The following GLIS1 variants were observed in gnomAD, a reference collection of about 807,000 sequenced individuals.
The protein encoded by GLIS1 is zinc finger protein GLIS1.
GLIS1 carries 24 observed loss-of-function variants against 63.8 expected under a neutral mutation model. The observed-to-expected ratio is 0.38, with a 90% CI of 0.27 to 0.53. The LOEUF (loss-of-function observed/expected upper bound fraction) is 0.53, where lower values mean the gene tolerates loss of function less well. Ranked by LOEUF, GLIS1 falls within the 20% of genes least tolerant of loss-of-function variation. The pLI is 0.85. For synonymous variants in GLIS1, 450 were observed against 482.5 expected (o/e 0.93, Z 0.88); for missense variants, 1,036 against 1,074.1 (o/e 0.96, Z 0.50).
At chr1:53,728,056 C>T (rs1646822698) in intron 2 of GLIS1, among the ~76,000 whole-genome samples, 1 of 152,212 alleles carries the variant, frequency 6.6e-6, no homozygotes. Flanking sequence ...CCTGGACACT[C>T]ACTTGGAGCC....
intron 2 of GLIS1, among the ~76,000 whole-genome samples, chr1:53,684,859 G>A (rs114403486): frequency 0.011 from 1,706 of 152,278 alleles, 24 homozygotes; most frequent in African/African-American, 0.039. Flanking sequence ...TTGCTGTGTG[G>A]CTTCAGGGAA....
chr1:53,695,111 G>A lies in GLIS1; in HGVS notation c.259+42695C>T, dbSNP rs1490680370. ...TAAAAAGCCCTGTGTGTGTAACGAA[G>A]CCCTGCAGGCCGACTGTCAGCTGGG... On this transcript the variant is annotated intron_variant, in intron 2 of 10. Transcript: ENST00000628545. 2.6e-5 allele frequency among the ~76,000 whole-genome samples: 4 copies of A among 151,516 alleles called. No homozygotes were observed. In the Admixed American group the frequency reaches 2.6e-4, roughly 10 times the overall value.
At chr1:53,571,427 A>C (rs1237656754) in intron 4 of GLIS1, among the ~76,000 whole-genome samples, 1 of 152,250 alleles carries the variant, frequency 6.6e-6, no homozygotes, top group Middle Eastern at 3.2e-3. Flanking sequence ...GAACAAGAAT[A>C]TTCACAGCAG....
intron 4 of GLIS1, among the ~76,000 whole-genome samples, chr1:53,567,118 T>G (rs1028550661): frequency 6.6e-6 from 1 of 152,198 alleles, no homozygotes; most frequent in Non-Finnish European, 1.5e-5. Context: ...AAAATGCTGA[T>G]AGTGATATGG....
chr1:53,602,113 G>A (rs1335989764), intron 2 of GLIS1, among the ~76,000 whole-genome samples: 5 of 152,304 alleles, frequency 3.3e-5, no homozygotes, highest in South Asian at 2.1e-4. Context: ...GTCCTGCTGC[G>A]AGCAACGCTT....
chr1:53,718,048 A>C (rs1480616749), intron 2 of GLIS1, among the ~76,000 whole-genome samples: 1 of 152,228 alleles, frequency 6.6e-6, no homozygotes, highest in Admixed American at 6.5e-5. Context: ...GCAGCAATGC[A>C]AGCTGTGCAC....
intron 2 of GLIS1, among the ~76,000 whole-genome samples, chr1:53,647,497 G>A (rs1227214743): frequency 6.6e-6 from 1 of 152,124 alleles, no homozygotes; most frequent in Non-Finnish European, 1.5e-5. Flanking sequence ...TCTATACAAT[G>A]TCGGAAAAAA....
intron 2 of GLIS1, among the ~76,000 whole-genome samples, chr1:53,699,897 G>A (rs1435766985): frequency 6.6e-6 from 1 of 152,104 alleles, no homozygotes; most frequent in African/African-American, 2.4e-5. Context: ...CTTCCCAAAG[G>A]CCCCATCTCC....
At position 53,541,422 on chromosome 1, in the gene GLIS1, C is replaced by T. The variant is rs116280107; in HGVS notation, c.1321-11470G>A. ...CACCCACATGATTGACCAAGAGGCC[C>T]CAAGGTGGGCTGGCCCTGTGCTGGC... is the stretch of plus-strand genomic sequence containing the variant. On this transcript the variant is annotated intron_variant, in intron 4 of 10. Transcript: ENST00000628545. Among the ~76,000 whole-genome samples the T allele has an allele frequency of 8.2e-3, 1,246 of 152,364 alleles. 22 individuals are homozygous for T. Among genetic ancestry groups the T allele is most frequent in the African/African-American group, 0.029 (1,208 of 41,584 alleles).
At chr1:53,737,556 C>A (rs939558169) in intron 2 of GLIS1, among the ~76,000 whole-genome samples, 1 of 152,246 alleles carries the variant, frequency 6.6e-6, no homozygotes, top group Non-Finnish European at 1.5e-5. Context: ...CAGAAACACA[C>A]AGAAGCAAAA....
chr1:53,622,382 C>A (rs1007655417), intron 2 of GLIS1, among the ~76,000 whole-genome samples: 1 of 145,810 alleles, frequency 6.9e-6, no homozygotes, highest in Non-Finnish European at 1.5e-5. Context: ...GAGCCGAGAT[C>A]GCACCACTGC....
At position 53,594,395 on chromosome 1, in the gene GLIS1, G is replaced by C; in HGVS notation, c.1033C>G (p.Leu345Val). 1.2e-6 allele frequency: 2 copies of C among 1,611,754 alleles called. No homozygotes were observed. The highest frequency in any genetic ancestry group is 1.7e-6 in the Non-Finnish European group (2 of 1,179,186). The stretch of plus-strand genomic sequence containing the variant: ...CTTGGGCCAGGCGGCAACTGAGACA[G>C]GGGATAGGGGGGCGGCAGGCCCTGC... Reference protein sequence around the residue: ...HQQGLPPPYPLSQLPPGPSLG... With the variant: ...HQQGLPPPYPVSQLPPGPSLG... The change falls in exon 4 of 11, where the codon CTG becomes GTG. Residue 345 changes from leucine (L) to valine (V), a missense_variant. This residue lies in a region of GLIS1 where 592 missense variants were observed against 593.9 expected (regional missense o/e 1.00). Transcript: ENST00000628545.
intron 4 of GLIS1, among the ~76,000 whole-genome samples, chr1:53,551,436 G>C (rs1644758560): frequency 6.6e-6 from 1 of 152,148 alleles, no homozygotes; most frequent in African/African-American, 2.4e-5. Context: ...TGCAGGGCAA[G>C]GGGGGTCCCT....
chr1:53,590,602 T>G (rs764425307), intron 4 of GLIS1, among the ~76,000 whole-genome samples: 1 of 152,190 alleles, frequency 6.6e-6, no homozygotes, highest in Non-Finnish European at 1.5e-5. Context: ...ATTAATCTGT[T>G]CAAAGTTAAT....
chr1:53,669,302 G>A (rs1168372320), intron 2 of GLIS1, among the ~76,000 whole-genome samples: 1 of 152,236 alleles, frequency 6.6e-6, no homozygotes, highest in African/African-American at 2.4e-5. Context: ...CACAGGAAGG[G>A]GGTGGAGTGT....
chr1:53,652,197 C>A (rs552792652), intron 2 of GLIS1, among the ~76,000 whole-genome samples: 1 of 152,238 alleles, frequency 6.6e-6, no homozygotes, highest in African/African-American at 2.4e-5. Context: ...GAGCCTCTCA[C>A]ATGCTTAGCA....
At chr1:53,670,484 C>T (rs1253627749) in intron 2 of GLIS1, among the ~76,000 whole-genome samples, 3 of 152,216 alleles carry the variant, frequency 2.0e-5, no homozygotes, top group Admixed American at 1.3e-4. Context: ...TGCTCCAGAT[C>T]CCAGTACACA....
At chr1:53,650,102 T>G (rs952090676) in intron 2 of GLIS1, among the ~76,000 whole-genome samples, 3 of 152,150 alleles carry the variant, frequency 2.0e-5, no homozygotes, top group African/African-American at 7.2e-5. Flanking sequence ...GGGCAGTACA[T>G]GCATAAATGT....
chr1:53,569,131 C>G (rs536506480), intron 4 of GLIS1, among the ~76,000 whole-genome samples: 1 of 152,160 alleles, frequency 6.6e-6, no homozygotes, highest in Non-Finnish European at 1.5e-5. Flanking sequence ...GTGAAAACAT[C>G]GGTGGTTGCC....
Sources: allele counts gnomAD v4.1 joint callset (sites outside exome capture counted in the v4.1 genomes callset), GRCh38; gene constraint gnomAD v4.1.1; regional missense constraint gnomAD v4.1.1; transcripts MANE v1.5; gene names NCBI Gene and HGNC (gene_info 2026-07-23, HGNC 2026-07-21).